Variants in DNAH9 observed in about 807,000 individuals in gnomAD.
DNAH9 encodes the protein dynein axonemal heavy chain 9.
Under a neutral mutation model 471.6 loss-of-function variants are expected in DNAH9, and 345 were observed. That is an observed-to-expected ratio of 0.73 (90% confidence interval 0.67 to 0.80). The LOEUF is 0.80. DNAH9 is among the 30% of genes least tolerant of loss of function. The pLI is 0.00. For missense variants in DNAH9, 5,407 were observed against 5,609.2 expected, an observed-to-expected ratio of 0.96 and a Z score of 1.15; for synonymous variants, 2,093 against 2,123.6, an observed-to-expected ratio of 0.99 and a Z score of 0.40.
chr17:11,729,344 C>T (rs1412439022), intron 28 of DNAH9, among the ~76,000 whole-genome samples: 1 of 152,106 alleles, frequency 6.6e-6, no homozygotes, highest in Admixed American at 6.6e-5. Context: ...CCCATCCTGC[C>T]CTTAACAGAG....
At chr17:11,678,393 C>G (rs2150738847) in intron 17 of DNAH9, among the ~76,000 whole-genome samples, 1 of 152,286 alleles carries the variant, frequency 6.6e-6, no homozygotes, top group South Asian at 2.1e-4. Flanking sequence ...ATTAGAAGTT[C>G]CTTTAGTAAA....
intron 61 of DNAH9, among the ~76,000 whole-genome samples, chr17:11,906,186 C>T (rs567604845): frequency 6.6e-6 from 1 of 152,074 alleles, no homozygotes; most frequent in South Asian, 2.1e-4. Flanking sequence ...TGCAGCTATC[C>T]CATTACTGAT....
intron 67 of DNAH9, among the ~76,000 whole-genome samples, chr17:11,960,223 G>T (rs2151450303): frequency 6.6e-6 from 1 of 152,090 alleles, no homozygotes; most frequent in Non-Finnish European, 1.5e-5. Flanking sequence ...ATCACCTGAG[G>T]TCAGGAATTT....
intron 50 of DNAH9, among the ~76,000 whole-genome samples, chr17:11,865,715 G>A (rs1042179245): frequency 1.3e-4 from 20 of 151,982 alleles, no homozygotes; most frequent in South Asian, 6.2e-4. Context: ...GGCTGTGTTC[G>A]TTTCTTTTTA....
chr17:11,785,268 A>G (rs1313168760), intron 41 of DNAH9, among the ~76,000 whole-genome samples: 1 of 152,006 alleles, frequency 6.6e-6, no homozygotes, highest in Non-Finnish European at 1.5e-5. Context: ...GCAGAAACTC[A>G]TTTGTAGAGA....
Position 11,807,805 on chromosome 17 carries a change from C to G in DNAH9, c.8494C>G (p.Gln2832Glu), listed in dbSNP as rs1268175050. 10 of 1,614,098 alleles carry G rather than the reference C, an allele frequency of 6.2e-6. No homozygotes were observed. The highest frequency in any genetic ancestry group is 8.5e-6 in the Non-Finnish European group (10 of 1,179,962). ...LLVGVGGSGK[Q>E]SLTRLAAFIS... ...GGTTGGTGTAGGTGGGAGCGGCAAGCAGAGCCTGACAAGGCTGGCAGCTTT... is the reference window on the plus strand; with the variant it reads ...GGTTGGTGTAGGTGGGAGCGGCAAGGAGAGCCTGACAAGGCTGGCAGCTTT... The change falls in exon 44 of 69, where the codon CAG becomes GAG. Residue 2832 changes from glutamine to glutamate, a missense_variant. By Grantham distance (29) the Gln-to-Glu change is conservative (BLOSUM62 2). Transcript: ENST00000262442.
chr17:11,963,568 A>C (rs530881041), intron 68 of DNAH9, among the ~76,000 whole-genome samples: 2 of 152,282 alleles, frequency 1.3e-5, no homozygotes, highest in African/African-American at 4.8e-5. Context: ...CTCACTAACT[A>C]GATGAAGGGA....
At chr17:11,790,538 C>T (rs1969027068) in intron 41 of DNAH9, among the ~76,000 whole-genome samples, 1 of 151,920 alleles carries the variant, frequency 6.6e-6, no homozygotes, top group African/African-American at 2.4e-5. Context: ...TTTTCTTGCA[C>T]TCAGCTTTTC....
chr17:11,698,506 A>T (rs2150768790), intron 22 of DNAH9, among the ~76,000 whole-genome samples: 1 of 151,218 alleles, frequency 6.6e-6, no homozygotes, highest in South Asian at 2.1e-4. Flanking sequence ...TTTGTTTTTC[A>T]ATAAAGAAAG....
chr17:11,738,761 T>C, intron 28 of DNAH9, 119 bp from the exon 29 acceptor site: 1 of 844,374 alleles, frequency 1.2e-6, no homozygotes. Context: ...TGTCTTTCAG[T>C]GAAAGGGTCC....
intron 45 of DNAH9, among the ~76,000 whole-genome samples, chr17:11,812,060 T>C (rs1263572783): frequency 4.6e-5 from 5 of 108,882 alleles, no homozygotes; most frequent in African/African-American, 1.6e-4. Context: ...TATATACACA[T>C]ACATACACAC....
intron 20 of DNAH9, among the ~76,000 whole-genome samples, chr17:11,690,902 A>G (rs929816225): frequency 6.6e-6 from 1 of 152,148 alleles, no homozygotes; most frequent in African/African-American, 2.4e-5. Flanking sequence ...CTGTCAGCTA[A>G]ACACCAAACA....
At chr17:11,776,540 C>T (rs1407563071) in intron 38 of DNAH9, among the ~76,000 whole-genome samples, 1 of 152,078 alleles carries the variant, frequency 6.6e-6, no homozygotes. Flanking sequence ...TGATGATAGT[C>T]CCCATTTTAA....
chr17:11,629,093 T>G (rs1362804717), intron 6 of DNAH9, among the ~76,000 whole-genome samples: 1 of 152,170 alleles, frequency 6.6e-6, no homozygotes, highest in Admixed American at 6.5e-5. Context: ...ACTCTTTTTT[T>G]TTTTTACTTC....
At chr17:11,752,707 T>C in intron 32 of DNAH9, 126 bp from the exon 33 acceptor site, 1 of 595,332 alleles carries the variant, frequency 1.7e-6, no homozygotes, top group East Asian at 3.3e-5. Flanking sequence ...AAACCAGGTC[T>C]GATCTGCCTT....
rs763130440 is a variant in DNAH9, at chr17:11,690,083, C to T, written c.4261C>T (p.Arg1421Trp). The T allele has an allele frequency of 1.7e-5, 28 of 1,613,976 alleles. No individual in the cohort carries two copies. Among genetic ancestry groups the T allele is most frequent in the African/African-American group, 6.7e-5 (5 of 74,902 alleles). The change falls in exon 20 of 69, where the codon CGG becomes TGG. Residue 1421 changes from arginine to tryptophan, a missense_variant. Coordinates refer to ENST00000262442, the MANE Select transcript of DNAH9 (RefSeq NM_001372.4). ...GCTGCACCACTATGAGGATGAGGTC[C>T]GGGGCATTGTGGACAAAGCTGCAAA... Reference protein sequence around the residue: ...LQLHHYEDEVRGIVDKAAKEM... With the variant: ...LQLHHYEDEVWGIVDKAAKEM...
intron 6 of DNAH9, among the ~76,000 whole-genome samples, chr17:11,622,674 C>T (rs942579500): frequency 2.0e-5 from 3 of 152,210 alleles, no homozygotes; most frequent in African/African-American, 7.2e-5. Flanking sequence ...GCTATTCTAA[C>T]ATCAGGGCGC....
chr17:11,958,425 G>A (rs1015544667), intron 67 of DNAH9, among the ~76,000 whole-genome samples: 1 of 152,156 alleles, frequency 6.6e-6, no homozygotes, highest in Admixed American at 6.6e-5. Context: ...ATACTGCAAT[G>A]ACATATACTA....
At chr17:11,669,029 CTT>C (rs752955130) in intron 15 of DNAH9, 33 bp from the exon 16 acceptor site, 4 of 1,490,774 alleles carry the variant, frequency 2.7e-6, no homozygotes, top group Non-Finnish European at 3.7e-6. Flanking sequence ...TTTATCCACT[CTT>C]TGTTTTGTTT....
Sources: gnomAD v4.1 joint callset for allele counts (sites outside exome capture counted in the v4.1 genomes callset) on GRCh38, gnomAD v4.1.1 for gene constraint, MANE v1.5 for transcripts, NCBI Gene and HGNC (gene_info 2026-07-23, HGNC 2026-07-21) for gene names.